RBFOX1: variants seen among roughly 807,000 people sequenced by gnomAD.
The protein encoded by RBFOX1 is RNA binding fox-1 homolog 1.
RBFOX1 carries 8 observed loss-of-function variants against 57.7 expected under a neutral mutation model. The ratio of observed to expected loss-of-function variants is 0.14; its 90% CI spans 0.08 to 0.25. RBFOX1 has a LOEUF of 0.25. RBFOX1 is among the 10% of genes least tolerant of loss of function. The pLI is 1.00. For missense variants in RBFOX1, 611 were observed against 548.5 expected (o/e 1.11, Z -1.14); for synonymous variants, 326 against 222.4 (o/e 1.47, Z -4.15).
downstream of RBFOX1, among the ~76,000 whole-genome samples, chr16:5,600,508 A>C (rs1327879147): frequency 7.3e-6 from 1 of 136,212 alleles, no homozygotes; most frequent in Non-Finnish European, 1.6e-5. Flanking sequence ...AAAAAAAAAA[A>C]AGTCTGCTTG....
intron 4 of RBFOX1, among the ~76,000 whole-genome samples, chr16:7,154,744 T>G (rs1601247190): frequency 6.7e-6 from 1 of 150,322 alleles, no homozygotes; most frequent in African/African-American, 2.5e-5. Flanking sequence ...AATATTTGCA[T>G]GTACCACATG....
chr16:7,368,127 C>T (rs1448308217), intron 4 of RBFOX1, among the ~76,000 whole-genome samples: 2 of 151,940 alleles, frequency 1.3e-5, no homozygotes, highest in South Asian at 2.1e-4. Context: ...ATTAGGTGGA[C>T]ATGGTGGCAC....
At position 7,332,947 on chromosome 16, in the gene RBFOX1, CT is replaced by C. The variant is rs375478841; in HGVS notation, c.28-185199del. 2.3e-5 allele frequency: 37 copies of C among 1,611,800 alleles called. No homozygotes were observed. The African/African-American group carries it at 2.7e-4, about 12-fold the overall frequency. ...AGAAGTTGGGTCTATAGATTTCCCC[CT>C]AACTCTCCATTGATGTGTTGAGCTT... On this transcript the variant is annotated intron_variant, in intron 4 of 15. Coordinates refer to ENST00000550418, the MANE Select transcript of RBFOX1 (RefSeq NM_018723.4).
chr16:6,754,255 G>T (rs1164912263), intron 3 of RBFOX1, among the ~76,000 whole-genome samples: 2 of 152,178 alleles, frequency 1.3e-5, no homozygotes, highest in East Asian at 1.9e-4. Context: ...GCTTTATTCA[G>T]ATCAATTTCC....
chr16:6,533,523 T>A (rs1338850686), intron 2 of RBFOX1, among the ~76,000 whole-genome samples: 2 of 152,070 alleles, frequency 1.3e-5, no homozygotes, highest in African/African-American at 4.8e-5. Context: ...GCTTGATTGA[T>A]CCTGTGCTTT....
intron 4 of RBFOX1, among the ~76,000 whole-genome samples, chr16:7,456,258 C>T (rs574732767): frequency 7.2e-5 from 11 of 152,306 alleles, no homozygotes; most frequent in Non-Finnish European, 7.3e-5. Flanking sequence ...CATTGCCTAT[C>T]CTAGAGGGAC....
At chr16:7,693,360 C>T in intron 14 of RBFOX1, 2 of 1,611,566 alleles carry the variant, frequency 1.2e-6, no homozygotes, top group Non-Finnish European at 1.7e-6. Context: ...CTTGTAACAC[C>T]TCTGCAGGTA....
intron 14 of RBFOX1, 73 bp downstream of exon 14, chr16:7,676,911 A>T: frequency 2.1e-6 from 3 of 1,452,034 alleles, no homozygotes; most frequent in Non-Finnish European, 2.9e-6. Context: ...AGATTCTTGT[A>T]TGGTCTTGGT....
At chr16:5,288,804 A>G (rs2063462679) in intron 1 of RBFOX1, among the ~76,000 whole-genome samples, 1 of 152,018 alleles carries the variant, frequency 6.6e-6, no homozygotes, top group Non-Finnish European at 1.5e-5. Context: ...CAGCGGCATG[A>G]TCTCCTGGTG....
chr16:7,447,430 C>CAAAAA (rs202234230), intron 4 of RBFOX1, among the ~76,000 whole-genome samples: 14 of 98,494 alleles, frequency 1.4e-4, no homozygotes, highest in African/African-American at 2.3e-4. Flanking sequence ...GAGTCTATCT[C>CAAAAA]AAAAAAAAAA....
At chr16:7,109,042 A>C (rs2064141671) in intron 4 of RBFOX1, among the ~76,000 whole-genome samples, 1 of 152,190 alleles carries the variant, frequency 6.6e-6, no homozygotes, top group African/African-American at 2.4e-5. Context: ...GCATAGGAAA[A>C]TACAAGACAC....
At chr16:6,481,795 G>T (rs867503333) in intron 2 of RBFOX1, among the ~76,000 whole-genome samples, 1 of 152,148 alleles carries the variant, frequency 6.6e-6, no homozygotes, top group African/African-American at 2.4e-5. Flanking sequence ...CTCAGCATCC[G>T]TTAAATGCCA....
intron 4 of RBFOX1, among the ~76,000 whole-genome samples, chr16:6,000,217 C>A (rs181358368): frequency 2.0e-5 from 3 of 152,210 alleles, no homozygotes; most frequent in African/African-American, 7.2e-5. Flanking sequence ...AGATCCCATG[C>A]CCCCCTGGTG....
At chr16:5,490,893 C>T (rs1273091080) in intron 2 of RBFOX1, among the ~76,000 whole-genome samples, 3 of 152,040 alleles carry the variant, frequency 2.0e-5, no homozygotes, top group African/African-American at 7.2e-5. Context: ...CTGGGAGGTG[C>T]GTCATTGGGT....
intron 2 of RBFOX1, among the ~76,000 whole-genome samples, chr16:6,397,953 G>C (rs963373334): frequency 1.3e-5 from 2 of 151,980 alleles, no homozygotes; most frequent in African/African-American, 4.8e-5. Context: ...CTGAAAAAGG[G>C]GAATAGAGAA....
At chr16:6,349,264 G>C (rs918004582) in intron 2 of RBFOX1, among the ~76,000 whole-genome samples, 2 of 152,134 alleles carry the variant, frequency 1.3e-5, no homozygotes, top group African/African-American at 4.8e-5. Context: ...CCCTTACCTA[G>C]CCGACGACTT....
At chr16:6,829,132 A>G (rs1277158557) in intron 3 of RBFOX1, among the ~76,000 whole-genome samples, 2 of 152,074 alleles carry the variant, frequency 1.3e-5, no homozygotes, top group East Asian at 3.9e-4. Context: ...CCTATAGGTA[A>G]TTGTCTAATA....
chr16:7,231,515 C>T (rs1308437110), intron 4 of RBFOX1, among the ~76,000 whole-genome samples: 1 of 152,230 alleles, frequency 6.6e-6, no homozygotes, highest in Non-Finnish European at 1.5e-5. Flanking sequence ...TACCATATGA[C>T]CCAGCAAACC....
intron 4 of RBFOX1, among the ~76,000 whole-genome samples, chr16:5,960,443 C>A (rs1343701447): frequency 6.6e-6 from 1 of 152,092 alleles, no homozygotes; most frequent in African/African-American, 2.4e-5. Flanking sequence ...TTATGTTCCC[C>A]CAAAGTATTA....
Sources: allele counts gnomAD v4.1 joint callset (sites outside exome capture counted in the v4.1 genomes callset), GRCh38; gene constraint gnomAD v4.1.1; transcripts MANE v1.5; gene names NCBI Gene and HGNC (gene_info 2026-07-23, HGNC 2026-07-21).